KIF26B: variants seen among roughly 807,000 people sequenced by gnomAD.
KIF26B encodes the protein kinesin-like protein KIF26B.
KIF26B carries 63 observed loss-of-function variants against 151.2 expected under a neutral mutation model. The observed-to-expected ratio is 0.42, with a 90% confidence interval of 0.34 to 0.51. The LOEUF is 0.51. Ranked by LOEUF, KIF26B falls within the 20% of genes least tolerant of loss-of-function variation. The pLI, the probability that KIF26B is intolerant of heterozygous loss-of-function variation, is 0.07. For missense variants in KIF26B, 2,813 were observed against 2,913.6 expected (o/e 0.97, Z 0.79); for synonymous variants, 1,357 against 1,262.1 (o/e 1.08, Z -1.59).
chr1:245,374,216 A>C (rs1673218600), intron 3 of KIF26B, among the ~76,000 whole-genome samples: 1 of 143,126 alleles, frequency 7.0e-6, no homozygotes, highest in Non-Finnish European at 1.5e-5. Context: ...TCTGCGGTGC[A>C]TAACACTTGC....
intron 3 of KIF26B, among the ~76,000 whole-genome samples, chr1:245,417,455 G>A (rs1674448172): frequency 5.3e-5 from 8 of 152,186 alleles, no homozygotes; most frequent in Admixed American, 5.2e-4. Context: ...GAAGAGTTTT[G>A]AAGATGATGA....
In KIF26B at chr1:245,246,183, C is replaced by T. The variant is rs112726234; in HGVS notation, c.465+89500C>T. ...TGTGGGTGGACTTAAGATTTACAGC[C>T]GAATAAAGGACTTAAAAATACAGCC... On this transcript the variant is annotated intron_variant, in intron 2 of 14. Transcript: ENST00000407071. Among the ~76,000 whole-genome samples, 623 of 152,120 alleles carry T rather than the reference C, an allele frequency of 4.1e-3. 6 individuals are homozygous for T. Among genetic ancestry groups the T allele is most frequent in the African/African-American group, 0.014 (586 of 41,522 alleles).
intron 5 of KIF26B, among the ~76,000 whole-genome samples, chr1:245,545,574 A>G (rs1387827354): frequency 6.6e-6 from 1 of 152,226 alleles, no homozygotes; most frequent in Non-Finnish European, 1.5e-5. Context: ...ATGAAGGACA[A>G]TCTGATTTAA....
In KIF26B at chr1:245,301,186, C is replaced by T. The variant is rs115528694; in HGVS notation, c.466-65648C>T. Among the ~76,000 whole-genome samples, 544 of 152,314 alleles carry T rather than the reference C, an allele frequency of 3.6e-3. 1 individual carries two copies. Among genetic ancestry groups the T allele is most frequent in the African/African-American group, 0.012 (515 of 41,566 alleles). On this transcript the variant is annotated intron_variant, in intron 2 of 14. Transcript: ENST00000407071. ...ATGACAGCGGATGGCCATGGCTCTACTGTGGTTTCCCTGGGCCACTTTCTT... is the reference window on the plus strand; with the variant it reads ...ATGACAGCGGATGGCCATGGCTCTATTGTGGTTTCCCTGGGCCACTTTCTT...
In KIF26B at chr1:245,292,231, G is replaced by A. The variant is rs369278154; in HGVS notation, c.466-74603G>A. On this transcript the variant is annotated intron_variant, in intron 2 of 14. Coordinates refer to ENST00000407071, the MANE Select transcript of KIF26B (RefSeq NM_018012.4). ...GTCATGGTATTTGTTCAAATCTTGA[G>A]TGTGCAGTCTTCGAAACCCTCTGAG... Among the ~76,000 whole-genome samples, 30 of 152,354 alleles carry A rather than the reference G, an allele frequency of 2.0e-4. No homozygotes were observed. The South Asian group carries it at 5.6e-3, about 28-fold the overall frequency.
At chr1:245,320,732 C>T (rs377229256) in intron 2 of KIF26B, among the ~76,000 whole-genome samples, 3 of 152,206 alleles carry the variant, frequency 2.0e-5, no homozygotes, top group African/African-American at 7.2e-5. Context: ...GGCTGGAGTG[C>T]AATGGTGTGA....
rs79122420 is a variant in KIF26B at position 245,436,538 on chromosome 1, C to T, written c.1166+16793C>T. Among the ~76,000 whole-genome samples, 125 of 152,264 alleles carry T rather than the reference C, an allele frequency of 8.2e-4. 1 individual carries two copies. In the East Asian group the frequency reaches 0.022, roughly 27 times the overall value. On this transcript the variant is annotated intron_variant, in intron 4 of 14. Transcript: ENST00000407071. ...TCCAAAATCGGCATGGCTGGAGATT[C>T]CAGCAGGAGTTGATGTTGCAGCCTG... is the stretch of plus-strand genomic sequence containing the variant.
intron 5 of KIF26B, among the ~76,000 whole-genome samples, chr1:245,588,689 A>G (rs2043253688): frequency 6.6e-6 from 1 of 152,198 alleles, no homozygotes; most frequent in African/African-American, 2.4e-5. Flanking sequence ...AAATGCCACC[A>G]TCTCCCTTTT....
At chr1:245,323,290 G>A (rs1275395693) in intron 2 of KIF26B, among the ~76,000 whole-genome samples, 1 of 152,106 alleles carries the variant, frequency 6.6e-6, no homozygotes, top group African/African-American at 2.4e-5. Context: ...TCTTTCAACA[G>A]TCTCTCAGAA....
intron 2 of KIF26B, among the ~76,000 whole-genome samples, chr1:245,185,313 A>G (rs1668981172): frequency 6.6e-6 from 1 of 151,790 alleles, no homozygotes; most frequent in Admixed American, 6.6e-5. Context: ...TAGTTTTTGT[A>G]TTTTTAGTAG....
chr1:245,334,647 G>C (rs1228996342), intron 2 of KIF26B, among the ~76,000 whole-genome samples: 1 of 152,210 alleles, frequency 6.6e-6, no homozygotes, highest in Non-Finnish European at 1.5e-5. Flanking sequence ...TTCTGGAGAG[G>C]AGTATGGGTG....
chr1:245,686,018 C>T lies in KIF26B; in HGVS notation c.3035C>T (p.Ala1012Val). The change falls in exon 12 of 15, where the codon GCA (alanine) becomes GTA (valine). Residue 1012 changes from alanine (A) to valine (V), a missense_variant. Around this residue, in one of 3 missense-constraint regions of KIF26B, gnomAD observed 2,060 missense variants for 2,088.6 expected, o/e 0.99. Transcript: ENST00000407071. The surrounding 1 kb of genome is among the most constrained non-coding windows in gnomAD (Gnocchi z 5.6). ...AGTCACTCACCTGTGCCCGCCGCGG[C>T]ACCCGCCCACAGCCCCAGCCCGGCC... Reference protein sequence around the residue: ...QRSHSPVPAAAPAHSPSPASP... With the variant: ...QRSHSPVPAAVPAHSPSPASP... The T allele has an allele frequency of 6.3e-7, 1 of 1,591,750 alleles. No homozygotes were observed. The highest frequency in any genetic ancestry group is 8.5e-7 in the Non-Finnish European group (1 of 1,170,196).
chr1:245,302,599 T>C (rs567618150), intron 2 of KIF26B, among the ~76,000 whole-genome samples: 1 of 152,338 alleles, frequency 6.6e-6, no homozygotes, highest in Non-Finnish European at 1.5e-5. Context: ...TCCCTCCTTT[T>C]TCTGTGTCAC....
intron 2 of KIF26B, among the ~76,000 whole-genome samples, chr1:245,362,222 G>A (rs1389748762): frequency 3.3e-5 from 5 of 151,448 alleles, no homozygotes; most frequent in East Asian, 2.0e-4. Context: ...GGTAAGCATC[G>A]ACGAACAAAA....
At chr1:245,414,744 C>T (rs569687621) in intron 3 of KIF26B, among the ~76,000 whole-genome samples, 3 of 152,340 alleles carry the variant, frequency 2.0e-5, no homozygotes, top group African/African-American at 4.8e-5. Context: ...CACAGACACA[C>T]GCTCTTATTT....
At chr1:245,689,433 T>C (rs533406776) in intron 12 of KIF26B, among the ~76,000 whole-genome samples, 1 of 152,294 alleles carries the variant, frequency 6.6e-6, no homozygotes, top group African/African-American at 2.4e-5. Flanking sequence ...AGGCCCTTCC[T>C]CCACCTCCAC....
intron 2 of KIF26B, among the ~76,000 whole-genome samples, chr1:245,338,227 T>TA (rs980395985): frequency 1.3e-5 from 2 of 152,342 alleles, no homozygotes; most frequent in African/African-American, 4.8e-5. Flanking sequence ...ACTTGTTTCT[T>TA]AAAGAGTACA....
chr1:245,454,610 GC>G (rs1659472099), intron 4 of KIF26B, among the ~76,000 whole-genome samples: 1 of 152,152 alleles, frequency 6.6e-6, no homozygotes, highest in Non-Finnish European at 1.5e-5. Flanking sequence ...TTCATACAAT[GC>G]ATTTGAAAGC....
intron 2 of KIF26B, among the ~76,000 whole-genome samples, chr1:245,209,559 A>G (rs1412916579): frequency 6.6e-6 from 1 of 152,220 alleles, no homozygotes; most frequent in Non-Finnish European, 1.5e-5. Context: ...GAGCTGTGGG[A>G]CATAGAGAGA....
Sources: allele counts gnomAD v4.1 joint callset (sites outside exome capture counted in the v4.1 genomes callset), GRCh38; gene constraint gnomAD v4.1.1; regional missense constraint gnomAD v4.1.1; non-coding constraint Gnocchi (gnomAD v3.1); transcripts MANE v1.5; gene names NCBI Gene and HGNC (gene_info 2026-07-23, HGNC 2026-07-21).